Variants in BBX observed in about 807,000 individuals in gnomAD.
BBX encodes the protein HMG box transcription factor BBX.
A neutral mutation model predicts 100.2 loss-of-function variants in BBX; 30 were observed. The ratio of observed to expected loss-of-function variants is 0.30; its 90% confidence interval spans 0.22 to 0.41. BBX has a LOEUF of 0.41. Among genes scored for constraint, BBX ranks in the 10% least tolerant of loss-of-function variants. The probability of loss-of-function intolerance (pLI) is 1.00; values close to 1 mark genes in which losing one functional copy is unlikely to be tolerated. For synonymous variants in BBX, 376 were observed against 388.1 expected, an observed-to-expected ratio of 0.97 and a Z score of 0.37; for missense variants, 1,023 against 1,129.8, an observed-to-expected ratio of 0.91 and a Z score of 1.35.
At chr3:107,687,594 A>G (rs1407722235) in intron 3 of BBX, among the ~76,000 whole-genome samples, 1 of 152,060 alleles carries the variant, frequency 6.6e-6, no homozygotes, top group Non-Finnish European at 1.5e-5. Flanking sequence ...CAGCTTCATC[A>G]GTTGCTAATT....
At chr3:107,732,722 G>A (rs1163037101) in intron 6 of BBX, among the ~76,000 whole-genome samples, 1 of 152,204 alleles carries the variant, frequency 6.6e-6, no homozygotes, top group African/African-American at 2.4e-5. Context: ...ATTGAAGAAA[G>A]TGTTGTTGGA....
chr3:107,772,586 G>A (rs768980326), intron 10 of BBX, 42 bp from the exon 11 acceptor site: 5 of 1,517,530 alleles, frequency 3.3e-6, no homozygotes, highest in East Asian at 4.6e-5. Flanking sequence ...GGAATAATAA[G>A]GATACTTTCG....
At chr3:107,548,494 G>T (rs1358665802) in intron 2 of BBX, among the ~76,000 whole-genome samples, 1 of 152,068 alleles carries the variant, frequency 6.6e-6, no homozygotes, top group Non-Finnish European at 1.5e-5. Context: ...AGATGTTTTG[G>T]GAGAGATCTT....
chr3:107,805,260 C>A, intron 17 of BBX, 110 bp from the exon 18 acceptor site: 1 of 1,140,942 alleles, frequency 8.8e-7, no homozygotes, highest in Non-Finnish European at 1.2e-6. Flanking sequence ...ATGTAAGTAA[C>A]AGCAGTAACT....
rs531121678 is a variant in BBX at position 107,769,734 on chromosome 3, A to G, written c.907-2894A>G. 5.3e-5 allele frequency among the ~76,000 whole-genome samples: 8 copies of G among 152,270 alleles called. No individual in the cohort carries two copies. The East Asian group carries it at 1.3e-3, about 26-fold the overall frequency. On this transcript the variant is annotated intron_variant, in intron 10 of 17. Coordinates refer to ENST00000325805, the MANE Select transcript of BBX (RefSeq NM_001142568.3). ...TTTTTGCTCAATATTTTAAAAATTC[A>G]AGCAGAACTGTTGTCTGATAGAGTG...
intron 5 of BBX, among the ~76,000 whole-genome samples, chr3:107,727,765 G>A (rs2063062925): frequency 6.6e-6 from 1 of 152,018 alleles, no homozygotes; most frequent in Non-Finnish European, 1.5e-5. Context: ...TCAAACTATT[G>A]GGTAAAATTA....
chr3:107,582,126 C>CT (rs1021729080), intron 2 of BBX, among the ~76,000 whole-genome samples: 2 of 151,800 alleles, frequency 1.3e-5, no homozygotes, highest in South Asian at 4.2e-4. Context: ...GCCAAACCTT[C>CT]TTTTTAAAAA....
At chr3:107,790,148 C>T (rs1413635295) in intron 14 of BBX, among the ~76,000 whole-genome samples, 1 of 152,118 alleles carries the variant, frequency 6.6e-6, no homozygotes, top group Non-Finnish European at 1.5e-5. Flanking sequence ...GTATTTGGTG[C>T]GTTTTGCAAT....
intron 2 of BBX, among the ~76,000 whole-genome samples, chr3:107,636,765 A>G (rs2056874462): frequency 6.6e-6 from 1 of 152,194 alleles, no homozygotes; most frequent in Non-Finnish European, 1.5e-5. Context: ...TCTAAACTAA[A>G]TGTTTTGTAT....
At position 107,584,206 on chromosome 3, in the gene BBX, T is replaced by A. The variant is rs187605887; in HGVS notation, c.-84+57808T>A. Among the ~76,000 whole-genome samples the A allele has an allele frequency of 3.6e-4, 26 of 71,406 alleles. No individual in the cohort carries two copies. In the East Asian group the frequency reaches 6.0e-3, roughly 17 times the overall value. The allele number at this position is 71,406 out of a possible 152,430, so 46.8% of individuals were successfully genotyped here. On this transcript the variant is annotated intron_variant, in intron 2 of 17. Transcript: ENST00000325805. The stretch of plus-strand genomic sequence containing the variant: ...TATATAATATATGATATATATATTA[T>A]TATATATATTATATATAATATGTAT...
At chr3:107,544,707 TA>T (rs2049090196) in intron 2 of BBX, among the ~76,000 whole-genome samples, 1 of 151,272 alleles carries the variant, frequency 6.6e-6, no homozygotes. Flanking sequence ...CCCATCTCTA[TA>T]AGAAATAAAA....
At chr3:107,800,927 G>A (rs537465828) in intron 16 of BBX, among the ~76,000 whole-genome samples, 168 bp from the exon 17 acceptor site, 1 of 152,322 alleles carries the variant, frequency 6.6e-6, no homozygotes, top group South Asian at 2.1e-4. Context: ...AAAGAGCTTT[G>A]TTACTGAGGA....
chr3:107,627,702 A>T (rs576476757), intron 2 of BBX, among the ~76,000 whole-genome samples: 1 of 152,110 alleles, frequency 6.6e-6, no homozygotes, highest in Non-Finnish European at 1.5e-5. Context: ...ACCATATCTC[A>T]CTATTGATAG....
chr3:107,746,746 A>G (rs1203910212), intron 8 of BBX, among the ~76,000 whole-genome samples: 1 of 152,104 alleles, frequency 6.6e-6, no homozygotes, highest in Non-Finnish European at 1.5e-5. Flanking sequence ...GAGCCACACT[A>G]TGCCAGCCTC....
chr3:107,763,436 T>C (rs918693116), intron 10 of BBX, among the ~76,000 whole-genome samples: 3 of 152,200 alleles, frequency 2.0e-5, no homozygotes, highest in Admixed American at 2.0e-4. Context: ...TAAAAATGAA[T>C]ATCTTAACAT....
intron 3 of BBX, among the ~76,000 whole-genome samples, chr3:107,677,040 A>C (rs1412083284): frequency 6.6e-6 from 1 of 152,102 alleles, no homozygotes; most frequent in Non-Finnish European, 1.5e-5. Context: ...ATACTTTAAA[A>C]TAATCTTAAG....
intron 3 of BBX, among the ~76,000 whole-genome samples, chr3:107,655,126 G>C (rs1312528623): frequency 1.3e-5 from 2 of 152,032 alleles, no homozygotes; most frequent in African/African-American, 2.4e-5. Flanking sequence ...GATTTCATTA[G>C]GAAAGAATAA....
chr3:107,746,988 T>C (rs1270212678), intron 8 of BBX, among the ~76,000 whole-genome samples: 1 of 152,172 alleles, frequency 6.6e-6, no homozygotes, highest in Non-Finnish European at 1.5e-5. Context: ...TGCCCAGGCT[T>C]TCTGCTCCTG....
chr3:107,530,706 T>G (rs2048102429), intron 2 of BBX, among the ~76,000 whole-genome samples: 1 of 152,198 alleles, frequency 6.6e-6, no homozygotes, highest in South Asian at 2.1e-4. Context: ...GCTGTATTTC[T>G]CAAATACTTT....
Sources: gnomAD v4.1 joint callset for allele counts (sites outside exome capture counted in the v4.1 genomes callset) on GRCh38, gnomAD v4.1.1 for gene constraint, MANE v1.5 for transcripts, NCBI Gene and HGNC (gene_info 2026-07-23, HGNC 2026-07-21) for gene names.